Variants in PRMT8 observed in about 807,000 individuals in gnomAD.
The protein encoded by PRMT8 is protein arginine N-methyltransferase 8.
PRMT8 carries 7 observed loss-of-function variants against 47.1 expected under a neutral mutation model. The observed-to-expected ratio is 0.15, with a 90% CI of 0.08 to 0.28. PRMT8 has a LOEUF of 0.28. Among genes scored for constraint, PRMT8 ranks in the 10% least tolerant of loss-of-function variants. The pLI, the probability that PRMT8 is intolerant of heterozygous loss-of-function variation, is 1.00. For synonymous variants in PRMT8, 188 were observed against 186.5 expected, an observed-to-expected ratio of 1.01 and a Z score of -0.07; for missense variants, 237 against 505.4, an observed-to-expected ratio of 0.47 and a Z score of 5.09.
intron 1 of PRMT8, among the ~76,000 whole-genome samples, chr12:3,406,487 A>T (rs535914967): frequency 6.4e-4 from 98 of 152,302 alleles, no homozygotes; most frequent in African/African-American, 2.3e-3. Context: ...CCAAACTTTT[A>T]TGCTCTGCTT....
intron 2 of PRMT8, among the ~76,000 whole-genome samples, chr12:3,544,765 T>G (rs76891552): frequency 0.013 from 1,930 of 152,342 alleles, 17 homozygotes; most frequent in Non-Finnish European, 0.02. Flanking sequence ...TTTCTTTAGT[T>G]GGGCCTTTGT....
intron 4 of PRMT8, among the ~76,000 whole-genome samples, chr12:3,561,252 G>A (rs115584643): frequency 0.015 from 2,224 of 152,312 alleles, 65 homozygotes; most frequent in African/African-American, 0.051. Context: ...GGGCCCAGAT[G>A]CTGCACTTGT....
intron 1 of PRMT8, among the ~76,000 whole-genome samples, chr12:3,413,771 C>A (rs7311460): frequency 0.8 from 120,310 of 150,764 alleles, 49,327 homozygotes; most frequent in East Asian, 0.93. Context: ...GGAAAAAAAA[C>A]CAATAAAAAA....
chr12:3,430,515 A>T (rs1220093726), intron 1 of PRMT8, among the ~76,000 whole-genome samples: 1 of 152,206 alleles, frequency 6.6e-6, no homozygotes, highest in Non-Finnish European at 1.5e-5. Context: ...TCTTATGGTG[A>T]TTAACTAAGA....
chr12:3,454,068 C>T (rs1565411772), intron 1 of PRMT8, among the ~76,000 whole-genome samples: 1 of 152,178 alleles, frequency 6.6e-6, no homozygotes, highest in Non-Finnish European at 1.5e-5. Flanking sequence ...AGAACTGGAG[C>T]ACCACGGGGC....
chr12:3,405,493 T>A (rs1183180423), intron 1 of PRMT8, among the ~76,000 whole-genome samples: 1 of 152,172 alleles, frequency 6.6e-6, no homozygotes, highest in African/African-American at 2.4e-5. Context: ...AACTCAACAG[T>A]CCAAATCCAA....
intron 1 of PRMT8, among the ~76,000 whole-genome samples, chr12:3,444,191 G>A (rs1415755571): frequency 6.6e-6 from 1 of 152,178 alleles, no homozygotes; most frequent in African/African-American, 2.4e-5. Flanking sequence ...CAGATGTGCT[G>A]TGGAGCTTTT....
chr12:3,507,931 G>A (rs190322033), intron 1 of PRMT8, among the ~76,000 whole-genome samples: 56 of 151,924 alleles, frequency 3.7e-4, no homozygotes, highest in African/African-American at 1.3e-3. Context: ...GCTAATTTTT[G>A]TATTCTTTCC....
Position 3,484,307 on chromosome 12 carries a change from C to T in PRMT8, c.49-56299C>T, listed in dbSNP as rs146012431. On this transcript the variant is annotated intron_variant, in intron 1 of 9. Transcript: ENST00000452611. The stretch of plus-strand genomic sequence containing the variant: ...TGAAATGGCAAACAGAAGGAGGATG[C>T]GGGGTTTGTCTCAGGCAAATCTCTT... 5.9e-4 allele frequency among the ~76,000 whole-genome samples: 90 copies of T among 152,248 alleles called. 1 individual carries two copies. Among genetic ancestry groups the T allele is most frequent in the African/African-American group, 2.0e-3 (85 of 41,542 alleles).
At chr12:3,426,007 C>T (rs141453177) in intron 1 of PRMT8, among the ~76,000 whole-genome samples, 130 of 152,346 alleles carry the variant, frequency 8.5e-4, no homozygotes, top group African/African-American at 2.9e-3. Flanking sequence ...TGTTGGGAGA[C>T]GGAAGCTGGA....
chr12:3,419,587 C>A (rs540095072), intron 1 of PRMT8, among the ~76,000 whole-genome samples: 1 of 152,186 alleles, frequency 6.6e-6, no homozygotes, highest in East Asian at 1.9e-4. Flanking sequence ...ACCTTGAATT[C>A]CTTCTGTTTA....
At chr12:3,528,157 G>C (rs1441254281) in intron 1 of PRMT8, among the ~76,000 whole-genome samples, 3 of 151,972 alleles carry the variant, frequency 2.0e-5, no homozygotes, top group Non-Finnish European at 1.5e-5. Flanking sequence ...CGATTCTTGT[G>C]TTCAGGGTTT....
intron 1 of PRMT8, among the ~76,000 whole-genome samples, chr12:3,421,526 G>A (rs772771134): frequency 2.5e-4 from 38 of 152,150 alleles, no homozygotes; most frequent in Admixed American, 1.3e-4. Flanking sequence ...CATCTGTCAC[G>A]TGAAATGGTC....
chr12:3,442,423 G>A (rs2137074778), intron 1 of PRMT8, among the ~76,000 whole-genome samples: 1 of 152,196 alleles, frequency 6.6e-6, no homozygotes, highest in South Asian at 2.1e-4. Context: ...GAAAAGGGGA[G>A]CTGGCTGGGG....
chr12:3,474,590 C>A (rs1055676014), intron 1 of PRMT8, among the ~76,000 whole-genome samples: 1 of 152,068 alleles, frequency 6.6e-6, no homozygotes, highest in East Asian at 1.9e-4. Flanking sequence ...TCCATGCTCT[C>A]CCCTGGCCTT....
At chr12:3,408,255 A>G (rs1167027190) in intron 1 of PRMT8, among the ~76,000 whole-genome samples, 1 of 130,422 alleles carries the variant, frequency 7.7e-6, no homozygotes, top group Non-Finnish European at 1.6e-5. Flanking sequence ...TTCTTTCTAG[A>G]TCATGTCTAA....
At chr12:3,419,104 A>G (rs1484230351) in intron 1 of PRMT8, among the ~76,000 whole-genome samples, 1 of 152,158 alleles carries the variant, frequency 6.6e-6, no homozygotes, top group Admixed American at 6.5e-5. Flanking sequence ...CACCTCCTCA[A>G]ATATTCGTCC....
chr12:3,523,503 C>T (rs1865910690), intron 1 of PRMT8, among the ~76,000 whole-genome samples: 1 of 152,186 alleles, frequency 6.6e-6, no homozygotes, highest in African/African-American at 2.4e-5. Flanking sequence ...TCCTTTAACC[C>T]ACCAGACAAC....
In PRMT8 at chr12:3,468,794, A is replaced by G. The variant is rs80295737; in HGVS notation, c.49-71812A>G. ...GCAATGTCCCTGAAACACCTGAAAT[A>G]AAAGTCCCCCAATGTCCCACATTTT... On this transcript the variant is annotated intron_variant, in intron 1 of 9. Transcript: ENST00000452611. Among the ~76,000 whole-genome samples the G allele has an allele frequency of 9.8e-3, 1,494 of 152,354 alleles. 30 individuals are homozygous for G. Among genetic ancestry groups the G allele is most frequent in the African/African-American group, 0.034 (1,409 of 41,564 alleles).
Sources: allele counts gnomAD v4.1 joint callset (sites outside exome capture counted in the v4.1 genomes callset), GRCh38; gene constraint gnomAD v4.1.1; transcripts MANE v1.5; gene names NCBI Gene and HGNC (gene_info 2026-07-23, HGNC 2026-07-21).